Variants in KHDRBS1 observed in about 807,000 individuals in gnomAD.
KHDRBS1 encodes KH domain-containing, RNA-binding, signal transduction-associated protein 1.
Under a neutral mutation model 48.4 loss-of-function variants are expected in KHDRBS1, and 7 were observed. The observed-to-expected ratio is 0.14, with a 90% CI of 0.08 to 0.27. The LOEUF is 0.27. KHDRBS1 is among the 10% of genes least tolerant of loss of function. The pLI, the probability that KHDRBS1 is intolerant of heterozygous loss-of-function variation, is 1.00. For synonymous variants in KHDRBS1, 241 were observed against 235.8 expected (o/e 1.02, Z -0.20); for missense variants, 458 against 601.2 (o/e 0.76, Z 2.49).
chr1:32,020,394 C>T (rs192106626), intron 1 of KHDRBS1, among the ~76,000 whole-genome samples: 1 of 150,338 alleles, frequency 6.7e-6, no homozygotes. Flanking sequence ...CCACTGCACT[C>T]CAGCTTGGGC....
intron 2 of KHDRBS1, 104 bp from the exon 3 acceptor site, chr1:32,031,420 A>G (rs1445965227): frequency 2.9e-6 from 2 of 693,376 alleles, no homozygotes; most frequent in East Asian, 2.7e-5. Flanking sequence ...GGGAATGGTA[A>G]TACTCTACCT....
Position 32,042,926 on chromosome 1 carries a change from GAAGTT to G in KHDRBS1, c.*303_*307del, listed in dbSNP as rs1409244632. 2 of 173,796 alleles carry G rather than the reference GAAGTT, an allele frequency of 1.2e-5. No individual in the cohort carries two copies. Among genetic ancestry groups the G allele is most frequent in the Non-Finnish European group, 2.4e-5 (2 of 83,158 alleles). 10.8% of individuals were successfully genotyped at this position (173,796 alleles called of 1,614,324 possible). A position where few individuals can be genotyped will look rare whatever the true frequency, so the allele number is the denominator to read the frequency against. On this transcript the variant is annotated 3_prime_UTR_variant, in exon 9 of 9. Coordinates refer to ENST00000327300, the MANE Select transcript of KHDRBS1 (RefSeq NM_006559.3). ...AGTGTACCTTTTATAATAAAAAAAAGAAGTTGAGTAAAAAAAAAAAACACACAAAC... is the reference window on the plus strand; with the variant it reads ...AGTGTACCTTTTATAATAAAAAAAAGGAGTAAAAAAAAAAAACACACAAAC...
intron 1 of KHDRBS1, among the ~76,000 whole-genome samples, chr1:32,016,805 A>G (rs942203417): frequency 6.6e-6 from 1 of 152,138 alleles, no homozygotes; most frequent in African/African-American, 2.4e-5. Context: ...CCCATTCTCC[A>G]TGGCTAGAAT....
chr1:32,024,009 T>G (rs1440900857), intron 1 of KHDRBS1, among the ~76,000 whole-genome samples: 3 of 152,222 alleles, frequency 2.0e-5, no homozygotes, highest in African/African-American at 4.8e-5. Context: ...TCCAGCACTT[T>G]GGGAGGCCAA....
At chr1:32,040,927 T>G (rs915919834) in intron 8 of KHDRBS1, among the ~76,000 whole-genome samples, 1 of 152,176 alleles carries the variant, frequency 6.6e-6, no homozygotes, top group Non-Finnish European at 1.5e-5. Context: ...TTTTACCAGT[T>G]TTAGCGAAAT....
At chr1:32,048,325 TAGC>T (rs1178111182), downstream of KHDRBS1, among the ~76,000 whole-genome samples, 4 of 152,256 alleles carry the variant, frequency 2.6e-5, no homozygotes, top group South Asian at 2.1e-4. Context: ...CGGGACAACA[TAGC>T]AGACTCTGTC....
intron 2 of KHDRBS1, among the ~76,000 whole-genome samples, chr1:32,030,771 C>T (rs942147087): frequency 2.0e-5 from 3 of 151,526 alleles, no homozygotes; most frequent in African/African-American, 7.3e-5. Context: ...TAATATGAAT[C>T]CTCAATTGGT....
downstream of KHDRBS1, among the ~76,000 whole-genome samples, chr1:32,047,639 T>C (rs1052628363): frequency 6.6e-6 from 1 of 152,230 alleles, no homozygotes; most frequent in African/African-American, 2.4e-5. Context: ...GTATGCATCA[T>C]AATATCCTAA....
chr1:32,051,228 A>C (rs1451618958), intron 10 of KHDRBS1, among the ~76,000 whole-genome samples: 1 of 152,158 alleles, frequency 6.6e-6, no homozygotes, highest in Non-Finnish European at 1.5e-5. Context: ...TGGATATCCC[A>C]TTGTCCCGGC....
chr1:32,041,950 G>C (rs1021105386), intron 8 of KHDRBS1, among the ~76,000 whole-genome samples: 2 of 152,206 alleles, frequency 1.3e-5, no homozygotes, highest in Non-Finnish European at 2.9e-5. Flanking sequence ...CTACCAGAGA[G>C]AGCAGTATCA....
At position 32,038,051 on chromosome 1, in the gene KHDRBS1, C is replaced by G. The variant is rs746577000; in HGVS notation, c.1107+15C>G. ...ATGAAGAATATGTAAGAAATTTGAA[C>G]AATGTGCCATTTCCCAGTACCTAGA... On this transcript the variant is annotated intron_variant, in intron 6 of 8. Transcript: ENST00000327300. 5 of 1,613,128 alleles carry G rather than the reference C, an allele frequency of 3.1e-6. No individual in the cohort carries two copies. The highest frequency in any genetic ancestry group is 4.2e-6 in the Non-Finnish European group (5 of 1,179,396).
intron 1 of KHDRBS1, among the ~76,000 whole-genome samples, chr1:32,024,762 G>A (rs373172439): frequency 6.6e-6 from 1 of 152,032 alleles, no homozygotes; most frequent in Non-Finnish European, 1.5e-5. Flanking sequence ...GGATTAATGA[G>A]GTAATAGTTC....
At chr1:32,054,305 A>C (rs1639454671) in intron 10 of KHDRBS1, among the ~76,000 whole-genome samples, 1 of 152,094 alleles carries the variant, frequency 6.6e-6, no homozygotes, top group Admixed American at 6.5e-5. Context: ...GCCTTCTATA[A>C]AGTGGCACTA....
At chr1:32,053,552 A>G (rs1056639318) in intron 10 of KHDRBS1, among the ~76,000 whole-genome samples, 1 of 152,074 alleles carries the variant, frequency 6.6e-6, no homozygotes, top group Non-Finnish European at 1.5e-5. Context: ...CACCATGCCC[A>G]CTTGACTTTA....
At chr1:32,053,953 G>A (rs1008617176) in intron 10 of KHDRBS1, among the ~76,000 whole-genome samples, 2 of 152,036 alleles carry the variant, frequency 1.3e-5, no homozygotes, top group African/African-American at 2.4e-5. Context: ...GCGTGGTGGC[G>A]CATGCCTGTA....
At chr1:32,014,602 T>C (rs766374253) in intron 1 of KHDRBS1, among the ~76,000 whole-genome samples, 45 of 152,328 alleles carry the variant, frequency 3.0e-4, no homozygotes, top group Non-Finnish European at 2.4e-4. Flanking sequence ...TGCGATCCCC[T>C]AGCGCTAATG....
rs920127878 is a variant in KHDRBS1 at position 32,034,689 on chromosome 1, A to G, written c.771+1355A>G. Among the ~76,000 whole-genome samples, 24 of 151,414 alleles carry G rather than the reference A, an allele frequency of 1.6e-4. 1 individual carries two copies. Among genetic ancestry groups the G allele is most frequent in the Admixed American group, 1.6e-3 (24 of 15,188 alleles). Reference sequence around the variant, plus strand: ...GTACCTCATCTTCATTAGAATGTTCAACATGAGGCAGGGCGCGGTGGCTCA... The same window carrying G: ...GTACCTCATCTTCATTAGAATGTTCGACATGAGGCAGGGCGCGGTGGCTCA... On this transcript the variant is annotated intron_variant, in intron 4 of 8. Transcript: ENST00000327300.
chr1:32,047,438 C>T (rs549405827), downstream of KHDRBS1, among the ~76,000 whole-genome samples: 241 of 152,284 alleles, frequency 1.6e-3, 1 homozygote, highest in African/African-American at 5.4e-3. Context: ...GGATCACAGG[C>T]GTGAGCCACT....
chr1:32,032,380 C>T (rs1639098020), intron 3 of KHDRBS1, among the ~76,000 whole-genome samples: 1 of 152,136 alleles, frequency 6.6e-6, no homozygotes, highest in South Asian at 2.1e-4. Flanking sequence ...ATAGTTACGG[C>T]TGAAGTGTGT....
Sources: allele counts gnomAD v4.1 joint callset (sites outside exome capture counted in the v4.1 genomes callset), GRCh38; gene constraint gnomAD v4.1.1; transcripts MANE v1.5; gene names NCBI Gene and HGNC (gene_info 2026-07-23, HGNC 2026-07-21).